PDIA6: variants seen among roughly 807,000 people sequenced by gnomAD.
PDIA6 encodes the protein protein disulfide isomerase family A member 6.
A neutral mutation model predicts 58.4 loss-of-function variants in PDIA6; 29 were observed. That is an observed-to-expected ratio of 0.50 (90% confidence interval 0.37 to 0.68). The LOEUF (loss-of-function observed/expected upper bound fraction) is 0.68. Among genes scored for constraint, PDIA6 ranks in the 30% least tolerant of loss-of-function variants. PDIA6 has a pLI of 0.00. For synonymous variants in PDIA6, 192 were observed against 202.6 expected, an observed-to-expected ratio of 0.95 and a Z score of 0.44; for missense variants, 480 against 551.0, an observed-to-expected ratio of 0.87 and a Z score of 1.29.
At chr2:10,827,870 T>C (rs757661406) in intron 1 of PDIA6, among the ~76,000 whole-genome samples, 3 of 150,206 alleles carry the variant, frequency 2.0e-5, no homozygotes, top group African/African-American at 4.9e-5. Context: ...AGAACTAGAG[T>C]AAAAAAAAAG....
intron 1 of PDIA6, among the ~76,000 whole-genome samples, chr2:10,829,883 C>T (rs1379429227): frequency 6.6e-6 from 1 of 152,196 alleles, no homozygotes; most frequent in Non-Finnish European, 1.5e-5. Context: ...CAAACCTCAG[C>T]TTCTCCGTGG....
chr2:10,792,967 A>G, intron 5 of PDIA6, 129 bp downstream of exon 5: 1 of 686,060 alleles, frequency 1.5e-6, no homozygotes. Context: ...GGTGGATCCA[A>G]TCCTCTATTA....
chr2:10,799,682 A>C (rs571551325), intron 2 of PDIA6, among the ~76,000 whole-genome samples: 17 of 152,242 alleles, frequency 1.1e-4, no homozygotes, highest in Admixed American at 6.5e-5. Context: ...AAAATTCAGA[A>C]GTCAGATTTT....
intron 1 of PDIA6, chr2:10,810,137 TAAACA>T: frequency 4.4e-6 from 3 of 679,754 alleles, no homozygotes; most frequent in Admixed American, 2.3e-5. Flanking sequence ...GGCATTTTTC[TAAACA>T]TTTTGCATAT....
chr2:10,803,028 C>T (rs1015121432), intron 1 of PDIA6, among the ~76,000 whole-genome samples: 5 of 152,202 alleles, frequency 3.3e-5, no homozygotes, highest in African/African-American at 9.6e-5. Context: ...TGGGCAATCA[C>T]GTAGTAATCA....
chr2:10,813,058 A>G (rs1442654646), upstream of PDIA6, among the ~76,000 whole-genome samples: 1 of 151,534 alleles, frequency 6.6e-6, no homozygotes, highest in Non-Finnish European at 1.5e-5. Flanking sequence ...CTCGGAGGGG[A>G]GTCCAGTACT....
In PDIA6 at chr2:10,793,182, T is replaced by C. The variant is rs1572659623; in HGVS notation, c.367A>G (p.Ile123Val). The change falls in exon 5 of 13, where the codon ATT becomes GTT. Residue 123 changes from isoleucine to valine, a missense_variant. By Grantham distance (29) the Ile-to-Val change is conservative. Transcript: ENST00000272227. Reference protein sequence around the residue: ...DYQGGRTGEAIVDAALSALRQ... With the variant: ...DYQGGRTGEAVVDAALSALRQ... ...AGAGCACTCAGCGCAGCATCTACAA[T>C]GGCTTCACCAGTTCTGCCACCTACA... 3 of 1,613,832 alleles carry C rather than the reference T, an allele frequency of 1.9e-6. No homozygotes were observed. The highest frequency in any genetic ancestry group is 1.1e-5 in the South Asian group (1 of 91,058).
intron 10 of PDIA6, 37 bp from the exon 11 acceptor site, chr2:10,787,476 T>C (rs754009054): frequency 1.3e-6 from 2 of 1,568,088 alleles, no homozygotes; most frequent in Admixed American, 1.9e-5. Flanking sequence ...CAAATATGTC[T>C]TTTAAATTGC....
At chr2:10,810,289 GGAGAATGCAGGGGTATA>G (rs1666949685) in intron 1 of PDIA6, 1 of 1,534,828 alleles carries the variant, frequency 6.5e-7, no homozygotes, top group Non-Finnish European at 8.7e-7. Context: ...CCGAAGGGCT[GGAGAATGCAGGGGTATA>G]ATCCACAGAG....
upstream of PDIA6, among the ~76,000 whole-genome samples, chr2:10,815,199 T>C (rs960806157): frequency 2.0e-5 from 3 of 152,172 alleles, no homozygotes; most frequent in African/African-American, 7.2e-5. Context: ...CTTCTGGAAA[T>C]GCACAGGCTT....
chr2:10,826,259 C>A (rs1207216430), intron 1 of PDIA6, among the ~76,000 whole-genome samples: 1 of 152,170 alleles, frequency 6.6e-6, no homozygotes, highest in African/African-American at 2.4e-5. Context: ...AAGTTCGGAA[C>A]TAGGAAGTCT....
At chr2:10,812,651 CG>C in intron 1 of PDIA6, 26 bp downstream of exon 1, 1 of 1,521,964 alleles carries the variant, frequency 6.6e-7, no homozygotes, top group Non-Finnish European at 8.8e-7. Flanking sequence ...CCAGCTCGCC[CG>C]CCTCCCTCCG....
intron 11 of PDIA6, among the ~76,000 whole-genome samples, chr2:10,785,425 G>A (rs1345040620): frequency 2.6e-5 from 4 of 152,198 alleles, no homozygotes; most frequent in Non-Finnish European, 5.9e-5. Flanking sequence ...TGAGGCGACT[G>A]GTTCCAGTGC....
At chr2:10,802,361 C>A in intron 2 of PDIA6, 138 bp downstream of exon 2, 1 of 476,140 alleles carries the variant, frequency 2.1e-6, no homozygotes, top group South Asian at 8.7e-5. Flanking sequence ...TTTGCATTTC[C>A]CATTTCCCTC....
chr2:10,810,294 A>C (rs561338928), intron 1 of PDIA6: 2 of 1,535,112 alleles, frequency 1.3e-6, no homozygotes, highest in Non-Finnish European at 1.7e-6. Flanking sequence ...GGGCTGGAGA[A>C]TGCAGGGGTA....
chr2:10,784,770 A>G (rs1572641581), intron 12 of PDIA6, 164 bp downstream of exon 12: 1 of 584,260 alleles, frequency 1.7e-6, no homozygotes, highest in African/African-American at 1.9e-5. Context: ...TAAACTTGTG[A>G]TAAGGAAGAT....
chr2:10,818,863 C>T (rs56141717), intron 2 of PDIA6, among the ~76,000 whole-genome samples: 19,498 of 151,908 alleles, frequency 0.13, 1,507 homozygotes, highest in Non-Finnish European at 0.18. Context: ...GCATTAAATG[C>T]GCTCACATCG....
chr2:10,796,424 G>A (rs1011015680), intron 4 of PDIA6, among the ~76,000 whole-genome samples: 1 of 151,786 alleles, frequency 6.6e-6, no homozygotes, highest in Non-Finnish European at 1.5e-5. Context: ...CAGCTACTTG[G>A]GAGGCTGAAG....
exon 1 of PDIA6, chr2:10,832,393 T>C: frequency 1.0e-6 from 1 of 984,658 alleles, no homozygotes; most frequent in Non-Finnish European, 1.2e-6. Flanking sequence ...CCTCGCCATC[T>C]ACGCCTCACA....
Sources: allele counts gnomAD v4.1 joint callset (sites outside exome capture counted in the v4.1 genomes callset), GRCh38; gene constraint gnomAD v4.1.1; transcripts MANE v1.5; gene names NCBI Gene and HGNC (gene_info 2026-07-23, HGNC 2026-07-21).